PALS2: variants seen among roughly 807,000 people sequenced by gnomAD.
PALS2 encodes protein associated with LIN7 2, MAGUK p55 family member.
PALS2 carries 27 observed loss-of-function variants against 61.6 expected under a neutral mutation model. The observed-to-expected ratio is 0.44, with a 90% CI of 0.32 to 0.60. PALS2 has a LOEUF of 0.60. PALS2 is among the 20% of genes least tolerant of loss of function. The pLI is 0.05. For missense variants in PALS2, 554 were observed against 639.4 expected (o/e 0.87, Z 1.44); for synonymous variants, 236 against 218.6 (o/e 1.08, Z -0.70).
chr7:24,673,729 C>T (rs548984645), intron 9 of PALS2, among the ~76,000 whole-genome samples: 60 of 151,998 alleles, frequency 3.9e-4, no homozygotes, highest in East Asian at 1.2e-3. Flanking sequence ...TTGATCTTTT[C>T]GGACAACCAA....
intron 3 of PALS2, 52 bp downstream of exon 3, chr7:24,641,920 C>G (rs552854578): frequency 1.9e-6 from 3 of 1,545,058 alleles, no homozygotes; most frequent in Non-Finnish European, 2.7e-6. Flanking sequence ...CCAAAGTATT[C>G]TCCTTTACTT....
chr7:24,680,526 C>A lies in PALS2; in HGVS notation c.1446+6C>A, dbSNP rs753996786. 6.2e-7 allele frequency: 1 copy of A among 1,610,078 alleles called. No individual in the cohort carries two copies. Among genetic ancestry groups the A allele is most frequent in the Non-Finnish European group, 8.5e-7 (1 of 1,178,216 alleles). ...TCACTACCAAGCTTCTGACCGTGAG[C>A]TAACCATACGATTTTCCTTCTAAAA... On this transcript the variant is annotated splice_donor_region_variant and intron_variant, in intron 11 of 11. Coordinates refer to ENST00000222644, the MANE Select transcript of PALS2 (RefSeq NM_001303037.2).
intron 1 of PALS2, among the ~76,000 whole-genome samples, chr7:24,621,456 A>G (rs903168100): frequency 6.6e-6 from 1 of 152,126 alleles, no homozygotes; most frequent in South Asian, 2.1e-4. Context: ...GAAAAACACT[A>G]TTGATTTTGT....
intron 2 of PALS2, among the ~76,000 whole-genome samples, chr7:24,634,216 T>G (rs1785136327): frequency 6.6e-6 from 1 of 151,886 alleles, no homozygotes; most frequent in Admixed American, 6.6e-5. Context: ...AGCACAGAAG[T>G]TTTTGTTTTT....
chr7:24,636,350 C>T (rs1049720907), intron 2 of PALS2, among the ~76,000 whole-genome samples: 3 of 151,516 alleles, frequency 2.0e-5, no homozygotes, highest in Non-Finnish European at 2.9e-5. Flanking sequence ...GATGTGTTAT[C>T]AGAATTTTTA....
At chr7:24,665,728 G>T in intron 7 of PALS2, 41 bp downstream of exon 7, 2 of 1,544,062 alleles carry the variant, frequency 1.3e-6, no homozygotes, top group South Asian at 2.3e-5. Context: ...AGTCCTTTGT[G>T]ACCACCTTTC....
intron 11 of PALS2, among the ~76,000 whole-genome samples, chr7:24,684,149 G>A (rs1788077766): frequency 6.6e-6 from 1 of 151,952 alleles, no homozygotes; most frequent in Non-Finnish European, 1.5e-5. Context: ...CGCCAGGCTG[G>A]AGTGCAGTGG....
chr7:24,606,146 TCAAGTTA>T (rs1783890708), intron 1 of PALS2, among the ~76,000 whole-genome samples: 1 of 152,204 alleles, frequency 6.6e-6, no homozygotes, highest in Admixed American at 6.6e-5. Flanking sequence ...CAGGTGCATT[TCAAGTTA>T]CAAGATTTCT....
At chr7:24,635,355 A>G (rs1583914199) in intron 2 of PALS2, among the ~76,000 whole-genome samples, 1 of 152,104 alleles carries the variant, frequency 6.6e-6, no homozygotes, top group East Asian at 1.9e-4. Flanking sequence ...CAGATTTTTC[A>G]TTGCTAGTGT....
chr7:24,616,067 T>A (rs1784284052), intron 1 of PALS2, among the ~76,000 whole-genome samples: 1 of 152,140 alleles, frequency 6.6e-6, no homozygotes, highest in African/African-American at 2.4e-5. Context: ...AATGGCCATA[T>A]ATGGCAAACC....
At chr7:24,587,426 C>T (rs746499723) in intron 1 of PALS2, among the ~76,000 whole-genome samples, 1 of 151,960 alleles carries the variant, frequency 6.6e-6, no homozygotes, top group East Asian at 1.9e-4. Flanking sequence ...GTCACCCAGT[C>T]GAGTACAGTG....
chr7:24,601,494 T>C (rs1783718396), intron 1 of PALS2, among the ~76,000 whole-genome samples: 2 of 152,180 alleles, frequency 1.3e-5, no homozygotes, highest in Non-Finnish European at 2.9e-5. Flanking sequence ...GAAGCTGGTG[T>C]ACACGTGTCA....
At chr7:24,622,227 T>C (rs1377305092) in intron 1 of PALS2, among the ~76,000 whole-genome samples, 1 of 152,066 alleles carries the variant, frequency 6.6e-6, no homozygotes, top group Non-Finnish European at 1.5e-5. Context: ...CAGATTTTGA[T>C]AGGGAGTGTA....
intron 1 of PALS2, among the ~76,000 whole-genome samples, chr7:24,584,953 G>A (rs1205868160): frequency 6.6e-6 from 1 of 151,724 alleles, no homozygotes; most frequent in Non-Finnish European, 1.5e-5. Flanking sequence ...TCTCAGGTTT[G>A]TCAAAGATCA....
chr7:24,581,270 T>C (rs1446903570), intron 1 of PALS2, among the ~76,000 whole-genome samples: 2 of 148,024 alleles, frequency 1.4e-5, no homozygotes, highest in East Asian at 4.0e-4. Context: ...TGTGTGTGTG[T>C]GTGTGTGTGT....
At chr7:24,628,538 A>T (rs1294869475) in intron 2 of PALS2, among the ~76,000 whole-genome samples, 4 of 152,190 alleles carry the variant, frequency 2.6e-5, no homozygotes, top group Non-Finnish European at 4.4e-5. Flanking sequence ...AGCGTATTCA[A>T]ATAGGAAGAG....
At chr7:24,619,254 T>C (rs1784404016) in intron 1 of PALS2, among the ~76,000 whole-genome samples, 1 of 152,160 alleles carries the variant, frequency 6.6e-6, no homozygotes, top group South Asian at 2.1e-4. Flanking sequence ...CCTCTCTTTT[T>C]ATTTGGTAGT....
intron 1 of PALS2, among the ~76,000 whole-genome samples, chr7:24,600,985 C>T (rs149405439): frequency 1.4e-3 from 209 of 152,154 alleles, no homozygotes; most frequent in African/African-American, 4.9e-3. Flanking sequence ...GGATGAAAGA[C>T]TAGAGGTGCT....
chr7:24,647,950 A>G (rs369994188), intron 3 of PALS2, among the ~76,000 whole-genome samples: 2 of 152,334 alleles, frequency 1.3e-5, no homozygotes, highest in East Asian at 3.9e-4. Context: ...GTCAATGCAT[A>G]AGTAGTGGCT....
Sources: allele counts gnomAD v4.1 joint callset (sites outside exome capture counted in the v4.1 genomes callset), GRCh38; gene constraint gnomAD v4.1.1; transcripts MANE v1.5; gene names NCBI Gene and HGNC (gene_info 2026-07-23, HGNC 2026-07-21).